Variants in NFASC observed in about 807,000 individuals in gnomAD.
NFASC encodes neurofascin homolog.
NFASC carries 43 observed loss-of-function variants against 147.5 expected under a neutral mutation model. The observed-to-expected ratio is 0.29, with a 90% CI of 0.23 to 0.38. The LOEUF (loss-of-function observed/expected upper bound fraction) is 0.38. Among genes scored for constraint, NFASC ranks in the 10% least tolerant of loss-of-function variants. The pLI is 1.00. For synonymous variants in NFASC, 622 were observed against 665.5 expected (o/e 0.93, Z 1.01); for missense variants, 1,320 against 1,689.0 (o/e 0.78, Z 3.83).
intron 1 of NFASC, among the ~76,000 whole-genome samples, chr1:204,905,619 C>G (rs1304115068): frequency 6.6e-6 from 1 of 152,014 alleles, no homozygotes; most frequent in Non-Finnish European, 1.5e-5. Context: ...CGTATAGCAT[C>G]CTAATTCACA....
chr1:204,968,227 A>G lies in NFASC; in HGVS notation c.707-22A>G. On this transcript the variant is annotated intron_variant, in intron 8 of 29. Transcript: ENST00000339876. The surrounding 1 kb of genome is among the most constrained non-coding windows in gnomAD (Gnocchi z 5.4). ...TGCCTTCTGGAAGGAGGCTCATGGGAGTTTGTTCTCTCCTGTTTCAGCCCG... is the reference window on the plus strand; with the variant it reads ...TGCCTTCTGGAAGGAGGCTCATGGGGGTTTGTTCTCTCCTGTTTCAGCCCG... 6.3e-7 allele frequency: 1 copy of G among 1,579,044 alleles called. No homozygotes were observed. The highest frequency in any genetic ancestry group is 8.7e-7 in the Non-Finnish European group (1 of 1,148,100).
chr1:204,961,450 A>C (rs560013731), intron 8 of NFASC, among the ~76,000 whole-genome samples: 1 of 152,290 alleles, frequency 6.6e-6, no homozygotes, highest in Non-Finnish European at 1.5e-5. Flanking sequence ...ACCTCACTGA[A>C]CCTCTCCCGG....
chr1:205,013,980 A>G (rs2096298166), intron 29 of NFASC, among the ~76,000 whole-genome samples: 1 of 152,302 alleles, frequency 6.6e-6, no homozygotes, highest in South Asian at 2.1e-4. Context: ...GGGCAGGCAC[A>G]AGAGCCCCCT....
At chr1:204,873,028 T>C (rs1005067252) in intron 1 of NFASC, among the ~76,000 whole-genome samples, 1 of 152,208 alleles carries the variant, frequency 6.6e-6, no homozygotes, top group Non-Finnish European at 1.5e-5. Flanking sequence ...TGGAGCTTGC[T>C]GCCATGTTGC....
chr1:204,848,867 C>T (rs2075407420), intron 1 of NFASC, among the ~76,000 whole-genome samples: 1 of 152,202 alleles, frequency 6.6e-6, no homozygotes, highest in Admixed American at 6.5e-5. Flanking sequence ...CATTATCATC[C>T]CTACCCCAGC....
At position 204,997,489 on chromosome 1, in the gene NFASC, C is replaced by T. The variant is rs528875573; in HGVS notation, c.3019+83C>T. ...CAGACGAACCCACAGGCTCCCCCAGCGAGGAGGTGGGGTCTGGGGTGGTGT... is the reference window on the plus strand; with the variant it reads ...CAGACGAACCCACAGGCTCCCCCAGTGAGGAGGTGGGGTCTGGGGTGGTGT... On this transcript the variant is annotated intron_variant, in intron 25 of 29. Transcript: ENST00000339876. 59 of 1,481,556 alleles carry T rather than the reference C, an allele frequency of 4.0e-5. No homozygotes were observed. In the East Asian group the frequency reaches 4.2e-4, roughly 11 times the overall value. The allele number at this position is 1,481,556 out of a possible 1,614,324, so 91.8% of individuals were successfully genotyped here.
chr1:204,912,342 C>A (rs887026570), intron 1 of NFASC, among the ~76,000 whole-genome samples: 1 of 151,942 alleles, frequency 6.6e-6, no homozygotes, highest in Non-Finnish European at 1.5e-5. Context: ...CATTTTTATT[C>A]AGTTCAATGT....
At position 205,010,097 on chromosome 1, in the gene NFASC, A is replaced by G; in HGVS notation, c.3421+409A>G. On this transcript the variant is annotated intron_variant, in intron 28 of 29. Coordinates refer to ENST00000339876, the MANE Select transcript of NFASC (RefSeq NM_001005388.3). The surrounding 1 kb of genome is among the most constrained non-coding windows in gnomAD (Gnocchi z 4.1). The stretch of plus-strand genomic sequence containing the variant: ...CCGTGTCCCAGAGAATGGGGAGAGG[A>G]GGGGCCTGGGCAGAAGCAGCACCCA... 1 of 211,410 alleles carries G rather than the reference A, an allele frequency of 4.7e-6. No individual in the cohort carries two copies. The highest frequency in any genetic ancestry group is 9.7e-6 in the Non-Finnish European group (1 of 103,070). The allele number at this position is 211,410 out of a possible 1,614,324, so 13.1% of individuals were successfully genotyped here.
At chr1:204,846,875 C>T (rs545771318) in intron 1 of NFASC, among the ~76,000 whole-genome samples, 1 of 152,054 alleles carries the variant, frequency 6.6e-6, no homozygotes, top group African/African-American at 2.4e-5. Context: ...GCAGCTGGCA[C>T]TTGCTCAACT....
chr1:205,003,485 G>T (rs1471532310), intron 27 of NFASC, among the ~76,000 whole-genome samples: 2 of 152,238 alleles, frequency 1.3e-5, no homozygotes, highest in African/African-American at 4.8e-5. Context: ...AGTAGGGGTA[G>T]CTGGCAGTCT....
chr1:204,922,293 G>A (rs945835439), intron 2 of NFASC, among the ~76,000 whole-genome samples: 6 of 151,996 alleles, frequency 3.9e-5, no homozygotes, highest in South Asian at 2.1e-4. Context: ...AAGGAACCCC[G>A]GGGGCTGGCT....
chr1:204,933,190 G>A (rs2092521102), intron 2 of NFASC, among the ~76,000 whole-genome samples: 2 of 152,214 alleles, frequency 1.3e-5, no homozygotes, highest in African/African-American at 4.8e-5. Flanking sequence ...GTTTAGAAAA[G>A]TCACTGGAAT....
intron 8 of NFASC, among the ~76,000 whole-genome samples, chr1:204,961,548 G>T (rs1188772569): frequency 6.6e-6 from 1 of 152,260 alleles, no homozygotes; most frequent in Admixed American, 6.5e-5. Flanking sequence ...GACACATGTT[G>T]CTGGGTGTGG....
intron 2 of NFASC, 95 bp downstream of exon 2, chr1:204,920,835 C>T: frequency 2.0e-6 from 1 of 509,624 alleles, no homozygotes; most frequent in Non-Finnish European, 3.4e-6. Flanking sequence ...TAAGGGAAGC[C>T]TGTTTGCCTG....
chr1:204,881,337 G>A (rs946878163), intron 1 of NFASC, among the ~76,000 whole-genome samples: 1 of 152,206 alleles, frequency 6.6e-6, no homozygotes, highest in African/African-American at 2.4e-5. Flanking sequence ...AGGTTGGGGA[G>A]GCCTCTCTAT....
chr1:204,962,276 C>T, intron 8 of NFASC: 1 of 845,502 alleles, frequency 1.2e-6, no homozygotes, highest in Non-Finnish European at 2.0e-6. Context: ...GCCAGGGTGC[C>T]AAGGTGACAC....
chr1:204,842,683 C>G (rs368476255), intron 1 of NFASC, among the ~76,000 whole-genome samples: 18 of 152,232 alleles, frequency 1.2e-4, no homozygotes, highest in Admixed American at 6.5e-4. Context: ...TCCCACTGAC[C>G]TGTGGTTATT....
chr1:204,975,493 T>A lies in NFASC; in HGVS notation c.1706+75T>A. On this transcript the variant is annotated intron_variant, in intron 15 of 29. Coordinates refer to ENST00000339876, the MANE Select transcript of NFASC (RefSeq NM_001005388.3). The surrounding 1 kb of genome is among the most constrained non-coding windows in gnomAD (Gnocchi z 4.0). ...CTTTTCCCTTGCTGTTGGTGACACATGGAAGAACACAGGGACAGGGAACCC... is the reference window on the plus strand; with the variant it reads ...CTTTTCCCTTGCTGTTGGTGACACAAGGAAGAACACAGGGACAGGGAACCC... 1 of 1,544,350 alleles carries A rather than the reference T, an allele frequency of 6.5e-7. No individual in the cohort carries two copies. The highest frequency in any genetic ancestry group is 8.8e-7 in the Non-Finnish European group (1 of 1,132,302).
In NFASC at chr1:204,867,409, CCACACACACA is replaced by C. The variant is rs34586429; in HGVS notation, c.-200+38649_-200+38658del. Among the ~76,000 whole-genome samples the C allele has an allele frequency of 7.5e-5, 11 of 146,914 alleles. No individual in the cohort carries two copies. In the East Asian group the frequency reaches 1.6e-3, roughly 21 times the overall value. ...CACATAGTCATACTATCAGAACTCA[CCACACACACA>C]CACACACACACACACACACACTACA... On this transcript the variant is annotated intron_variant, in intron 1 of 29. Transcript: ENST00000339876.
Sources: gnomAD v4.1 joint callset for allele counts (sites outside exome capture counted in the v4.1 genomes callset) on GRCh38, gnomAD v4.1.1 for gene constraint, Gnocchi (gnomAD v3.1) non-coding constraint, MANE v1.5 for transcripts, NCBI Gene and HGNC (gene_info 2026-07-23, HGNC 2026-07-21) for gene names.